Variants in DST observed in about 807,000 individuals in gnomAD.
The protein encoded by DST is dystonin, also known as bullous pemphigoid antigen.
DST carries 253 observed loss-of-function variants against 875.2 expected under a neutral mutation model. The observed-to-expected ratio is 0.29, with a 90% CI of 0.26 to 0.32. The LOEUF is 0.32. Among genes scored for constraint, DST ranks in the 10% least tolerant of loss-of-function variants. DST has a pLI of 1.00. For synonymous variants in DST, 3,124 were observed against 3,197.1 expected, an observed-to-expected ratio of 0.98 and a Z score of 0.77; for missense variants, 8,287 against 9,111.6, an observed-to-expected ratio of 0.91 and a Z score of 3.68.
At chr6:56,623,750 A>G (rs1399647222) in intron 36 of DST, among the ~76,000 whole-genome samples, 2 of 152,174 alleles carry the variant, frequency 1.3e-5, no homozygotes, top group African/African-American at 4.8e-5. Flanking sequence ...TCTGGGGAAT[A>G]GAAAGTACAT....
At chr6:56,928,379 GC>G (rs1808334116) in intron 2 of DST, among the ~76,000 whole-genome samples, 1 of 152,022 alleles carries the variant, frequency 6.6e-6, no homozygotes, top group Non-Finnish European at 1.5e-5. Context: ...AGGAGTCCCA[GC>G]CCCAACACCA....
chr6:56,595,949 G>A (rs2098374162), intron 47 of DST, among the ~76,000 whole-genome samples: 1 of 152,078 alleles, frequency 6.6e-6, no homozygotes, highest in South Asian at 2.1e-4. Context: ...AAAGCTAGAC[G>A]TTCCTGGCTC....
At chr6:56,647,686 ATG>A (rs372536533) in intron 13 of DST, among the ~76,000 whole-genome samples, 8,725 of 148,138 alleles carry the variant, frequency 0.059, 352 homozygotes, top group African/African-American at 0.13. Flanking sequence ...GCTTTTTGTA[ATG>A]TTTTTTTTTT....
At chr6:56,937,785 A>G (rs1308751759) in intron 2 of DST, among the ~76,000 whole-genome samples, 2 of 152,236 alleles carry the variant, frequency 1.3e-5, no homozygotes, top group East Asian at 3.8e-4. Flanking sequence ...TAAATCAAGT[A>G]TGGTATATTC....
intron 10 of DST, among the ~76,000 whole-genome samples, chr6:56,663,200 C>T (rs2099054293): frequency 6.6e-6 from 1 of 152,192 alleles, no homozygotes; most frequent in African/African-American, 2.4e-5. Context: ...TTACACCTCA[C>T]TTGGATGCAG....
intron 9 of DST, among the ~76,000 whole-genome samples, chr6:56,690,001 T>G (rs922733049): frequency 6.6e-6 from 1 of 152,192 alleles, no homozygotes. Context: ...AGTTCATTAC[T>G]CCTTGTCTCC....
At chr6:56,464,095 C>T in intron 100 of DST, 1 of 401,512 alleles carries the variant, frequency 2.5e-6, no homozygotes, top group South Asian at 2.1e-5. Context: ...CCACCAGCTA[C>T]AGATGCCCAC....
chr6:56,517,328 C>T (rs763751687), intron 70 of DST, 23 bp from the exon 71 acceptor site: 16 of 1,599,504 alleles, frequency 1.0e-5, no homozygotes, highest in Non-Finnish European at 1.4e-5. Context: ...AAAATAAAGA[C>T]AAAAAATAAA....
chr6:56,706,613 G>T (rs2152886631), intron 5 of DST, among the ~76,000 whole-genome samples: 2 of 152,296 alleles, frequency 1.3e-5, no homozygotes, highest in Admixed American at 1.3e-4. Context: ...ATGCAGGGGA[G>T]GGTGGTTTTG....
chr6:56,601,646 T>C lies in DST; in HGVS notation c.11338A>G (p.Met3780Val), dbSNP rs2098447044. Reference protein sequence around the residue: ...NVLKDLGHTKMQLETTAFDVQ... With the variant: ...NVLKDLGHTKVQLETTAFDVQ... Reference sequence around the variant, plus strand: ...TCAAAGGCAGTAGTCTCCAGCTGCATTTTGGTATGTCCAAGGTCTTTTAAT... The same window carrying C: ...TCAAAGGCAGTAGTCTCCAGCTGCACTTTGGTATGTCCAAGGTCTTTTAAT... Residue 3780 changes from methionine to valine, a missense_variant, in exon 44 of 104, where the codon ATG (methionine) becomes GTG (valine). Physicochemically the swap from Met to Val is conservative, Grantham distance 21. Coordinates refer to ENST00000680361, the MANE Select transcript of DST (RefSeq NM_001374736.1). The C allele has an allele frequency of 6.3e-7, 1 of 1,589,218 alleles. No individual in the cohort carries two copies. The highest frequency in any genetic ancestry group is 8.6e-7 in the Non-Finnish European group (1 of 1,166,652).
intron 4 of DST, among the ~76,000 whole-genome samples, chr6:56,805,558 A>C (rs1050179866): frequency 2.6e-5 from 4 of 152,240 alleles, no homozygotes; most frequent in Non-Finnish European, 5.9e-5. Flanking sequence ...TGGTTAAACT[A>C]TCAATTTGGT....
In DST at chr6:56,529,794, AT is replaced by A. The variant is rs766794111; in HGVS notation, c.17269-21del. 2 of 1,494,756 alleles carry A rather than the reference AT, an allele frequency of 1.3e-6. No homozygotes were observed. The highest frequency in any genetic ancestry group is 1.8e-6 in the Non-Finnish European group (2 of 1,124,572). The allele number at this position is 1,494,756 out of a possible 1,614,324, so 92.6% of individuals were successfully genotyped here. A position where few individuals can be genotyped will look rare whatever the true frequency, so the allele number is the denominator to read the frequency against. On this transcript the variant is annotated intron_variant, in intron 65 of 103. Coordinates refer to ENST00000680361, the MANE Select transcript of DST (RefSeq NM_001374736.1). Reference sequence around the variant, plus strand: ...TAAGGCCTAAGCAAAGTTTAAAAAAATAAAGAAGAAAAACAAAAAGAATGGA... The same window carrying A: ...TAAGGCCTAAGCAAAGTTTAAAAAAAAAAGAAGAAAAACAAAAAGAATGGA...
At chr6:56,657,494 A>C (rs2099015374) in intron 10 of DST, among the ~76,000 whole-genome samples, 1 of 152,136 alleles carries the variant, frequency 6.6e-6, no homozygotes. Context: ...ATCACTTGAA[A>C]AAACACTGGA....
At chr6:56,571,165 G>A (rs2097775133) in intron 53 of DST, among the ~76,000 whole-genome samples, 1 of 152,178 alleles carries the variant, frequency 6.6e-6, no homozygotes, top group South Asian at 2.1e-4. Flanking sequence ...ACAACTGTGA[G>A]GACAGTTACA....
At chr6:56,938,108 C>CTCTCTCTATA (rs1383243392) in intron 2 of DST, among the ~76,000 whole-genome samples, 40 of 120,750 alleles carry the variant, frequency 3.3e-4, no homozygotes, top group African/African-American at 1.3e-3. Context: ...CTCTCTCTCT[C>CTCTCTCTATA]TATATATATA....
intron 82 of DST, among the ~76,000 whole-genome samples, chr6:56,495,370 A>C (rs1020360865): frequency 6.6e-6 from 1 of 152,008 alleles, no homozygotes; most frequent in Non-Finnish European, 1.5e-5. Context: ...GGGTTACAAA[A>C]GATTCATTTT....
At chr6:56,784,188 T>A (rs930523692) in intron 4 of DST, among the ~76,000 whole-genome samples, 1 of 152,210 alleles carries the variant, frequency 6.6e-6, no homozygotes, top group East Asian at 1.9e-4. Flanking sequence ...TTGGTGAATG[T>A]GACAATTACG....
intron 4 of DST, among the ~76,000 whole-genome samples, chr6:56,795,923 C>A (rs572318172): frequency 2.6e-5 from 4 of 152,304 alleles, no homozygotes; most frequent in Admixed American, 2.6e-4. Flanking sequence ...CACAAAATTT[C>A]TCTTCCATGC....
At chr6:56,615,408 T>C (rs2098603719) in intron 36 of DST, 2 of 1,563,382 alleles carry the variant, frequency 1.3e-6, no homozygotes, top group South Asian at 2.3e-5. Context: ...AGAAATAGAG[T>C]ATGTTACATA....
Sources: allele counts gnomAD v4.1 joint callset (sites outside exome capture counted in the v4.1 genomes callset), GRCh38; gene constraint gnomAD v4.1.1; transcripts MANE v1.5; gene names NCBI Gene and HGNC (gene_info 2026-07-23, HGNC 2026-07-21).